The following MYO15A variants were observed in gnomAD, a reference collection of about 807,000 sequenced individuals.
MYO15A encodes myosin XVA, also known as unconventional myosin-XV.
In MYO15A, 308 loss-of-function variants were observed where a neutral mutation model predicts 394.6. The ratio of observed to expected loss-of-function variants is 0.78; its 90% confidence interval spans 0.71 to 0.86. The LOEUF is 0.86. Among genes scored for constraint, MYO15A ranks in the 40% least tolerant of loss-of-function variants. MYO15A has a pLI of 0.00. For synonymous variants in MYO15A, 1,957 were observed against 2,003.8 expected, an observed-to-expected ratio of 0.98 and a Z score of 0.62; for missense variants, 4,606 against 4,799.1, an observed-to-expected ratio of 0.96 and a Z score of 1.19.
At position 18,153,725 on chromosome 17, in the gene MYO15A, T is replaced by TA. The variant is rs902426883; in HGVS notation, c.7967-43dup. 7.0e-6 allele frequency: 11 copies of TA among 1,571,690 alleles called. No homozygotes were observed. Among genetic ancestry groups the TA allele is most frequent in the African/African-American group, 1.4e-5 (1 of 72,258 alleles). On this transcript the variant is annotated intron_variant, in intron 42 of 65. Transcript: ENST00000647165. This position sits in a 1 kb window ranked among gnomAD's most constrained non-coding sequence, Gnocchi z 4.1. ...AAAATATATATATATATTAATTAAA[T>TA]AAAAAAACGAGGTGCCTTCTCCTGA...
chr17:18,176,348 G>T (rs2047012863), intron 65 of MYO15A, among the ~76,000 whole-genome samples: 1 of 151,866 alleles, frequency 6.6e-6, no homozygotes, highest in African/African-American at 2.4e-5. Flanking sequence ...ACATCACGTG[G>T]CAAGAGAGGG....
intron 24 of MYO15A, 143 bp downstream of exon 24, chr17:18,142,397 C>T: frequency 9.5e-7 from 1 of 1,052,028 alleles, no homozygotes; most frequent in Non-Finnish European, 1.4e-6. Flanking sequence ...TGATCAGATT[C>T]TCTGTGTCTC....
In MYO15A at chr17:18,147,345, G is replaced by A. The variant is rs936062586; in HGVS notation, c.6510-684G>A. The stretch of plus-strand genomic sequence containing the variant: ...TGGCAGCTGACAGCAGGGTAAGGCC[G>A]TTGCTGGTCTGCCTGCCTGGGGCTT... On this transcript the variant is annotated intron_variant, in intron 30 of 65. Transcript: ENST00000647165. The surrounding 1 kb of genome is among the most constrained non-coding windows in gnomAD (Gnocchi z 4.4). 3.3e-5 allele frequency among the ~76,000 whole-genome samples: 5 copies of A among 152,228 alleles called. No individual in the cohort carries two copies. The highest frequency in any genetic ancestry group is 2.1e-4 in the South Asian group (1 of 4,830).
In MYO15A at chr17:18,157,865, G is replaced by A. The variant is rs2046705754; in HGVS notation, c.8932G>A (p.Ala2978Thr). The change falls in exon 51 of 66, where the codon GCA becomes ACA. Residue 2978 changes from alanine (A) to threonine (T), a missense_variant. Ala to Thr is a moderately conservative substitution (Grantham distance 58, BLOSUM62 0). Coordinates refer to ENST00000647165, the MANE Select transcript of MYO15A (RefSeq NM_016239.4). ...AAAVAAAVAS[A>T]AAAQEVGRRR... ...CGCCGTGGCCGCTGCTGTGGCCTCT[G>A]CAGCCGCTGCACAGGAGGTGGGCCG... The A allele has an allele frequency of 3.6e-6, 5 of 1,389,544 alleles. No homozygotes were observed. Among genetic ancestry groups the A allele is most frequent in the Non-Finnish European group, 4.8e-6 (5 of 1,052,440 alleles). 86.1% of individuals were successfully genotyped at this position (1,389,544 alleles called of 1,614,324 possible).
chr17:18,143,427 G>A, intron 25 of MYO15A, 139 bp from the exon 26 acceptor site: 1 of 945,670 alleles, frequency 1.1e-6, no homozygotes, highest in Non-Finnish European at 1.7e-6. Context: ...CTGTGGAGTG[G>A]GGCAGTCACC....
rs1048824288 is a variant in MYO15A at position 18,151,424 on chromosome 17, T to C, written c.7684T>C (p.Ser2562Pro). The change falls in exon 40 of 66, where the codon TCT becomes CCT. Residue 2562 changes from serine (S) to proline (P), a missense_variant. By Grantham distance (74) the Ser-to-Pro change is moderately conservative. This residue lies in a region of MYO15A where 2,776 missense variants were observed against 3,109.3 expected (regional missense o/e 0.89). Coordinates refer to ENST00000647165, the MANE Select transcript of MYO15A (RefSeq NM_016239.4). ...TSPSPELVRY[S>P]TLNSEHFPQP... ...ACCCTCCCCAGAGCTGGTCCGGTAC[T>C]CTACGCTCAACTCTGAGCACTTCCC... 3.1e-6 allele frequency: 5 copies of C among 1,614,192 alleles called. No homozygotes were observed. In the South Asian group the frequency reaches 4.4e-5, roughly 14 times the overall value.
intron 1 of MYO15A, among the ~76,000 whole-genome samples, chr17:18,113,797 G>GAC (rs4025536): frequency 0.22 from 30,898 of 137,878 alleles, 3,435 homozygotes; most frequent in South Asian, 0.41. Flanking sequence ...CACCTCCCCT[G>GAC]ACACACACAC....
Position 18,121,245 on chromosome 17 carries a change from C to A in MYO15A, c.2445C>A (p.Arg815=). 1 of 1,475,036 alleles carries A rather than the reference C, an allele frequency of 6.8e-7. No homozygotes were observed. Among genetic ancestry groups the A allele is most frequent in the Non-Finnish European group, 8.9e-7 (1 of 1,117,436 alleles). The allele number at this position is 1,475,036 out of a possible 1,614,324, so 91.4% of individuals were successfully genotyped here. ...PFQPPFLPPA[R]RPRSLQESPA... is the part of the protein sequence containing the mutation. ...AGCCGCCCTTCCTGCCCCCGGCCCG[C>A]CGGCCCCGCTCGCTGCAGGAGTCCC... The change falls in exon 2 of 66, where the codon CGC becomes CGA. Residue 815 remains arginine, a synonymous_variant. Transcript: ENST00000647165. This position sits in a 1 kb window ranked among gnomAD's most constrained non-coding sequence, Gnocchi z 5.3.
At chr17:18,129,304 C>T (rs1280765911) in intron 7 of MYO15A, among the ~76,000 whole-genome samples, 2 of 152,208 alleles carry the variant, frequency 1.3e-5, no homozygotes, top group Non-Finnish European at 2.9e-5. Context: ...TGGCTTTATG[C>T]CCTGCTGTAT....
In MYO15A at chr17:18,158,657, C is replaced by T. The variant is rs766983465; in HGVS notation, c.9083+19C>T. ...GACCCCAGTGAGTGGCGGCCCCACC[C>T]CTCTTCCCACAGTGGGAGGGTGCTG... On this transcript the variant is annotated intron_variant, in intron 52 of 65. Coordinates refer to ENST00000647165, the MANE Select transcript of MYO15A (RefSeq NM_016239.4). 5.6e-6 allele frequency: 9 copies of T among 1,610,782 alleles called. No individual in the cohort carries two copies. In the East Asian group the frequency reaches 1.8e-4, roughly 32 times the overall value.
At position 18,119,769 on chromosome 17, in the gene MYO15A, G is replaced by C. The variant is rs371387378; in HGVS notation, c.969G>C (p.Ser323=). 4.3e-6 allele frequency: 7 copies of C among 1,612,838 alleles called. No individual in the cohort carries two copies. The Admixed American group carries it at 1.0e-4, about 23-fold the overall frequency. ...CATATGCGCCCCCGTCGGGGTACTC[G>C]TCTCCTTACAGCTACCACGATGGGT... is the stretch of plus-strand genomic sequence containing the variant. The part of the protein sequence containing the change: ...EPPYAPPSGY[S]SPYSYHDGYE... The change falls in exon 2 of 66, where the codon TCG becomes TCC. Residue 323 remains serine (S), a synonymous_variant. Coordinates refer to ENST00000647165, the MANE Select transcript of MYO15A (RefSeq NM_016239.4).
At chr17:18,152,942 C>A (rs1013954673) in intron 42 of MYO15A, among the ~76,000 whole-genome samples, 4 of 152,232 alleles carry the variant, frequency 2.6e-5, no homozygotes, top group African/African-American at 4.8e-5. Context: ...TCTCCAGGAT[C>A]CATCCTAAAC....
rs1271980702 is a variant in MYO15A at position 18,121,671 on chromosome 17, C to T, written c.2871C>T (p.Pro957=). 6.2e-7 allele frequency: 1 copy of T among 1,607,442 alleles called. No homozygotes were observed. Among genetic ancestry groups the T allele is most frequent in the Non-Finnish European group, 8.5e-7 (1 of 1,176,678 alleles). Residue 957 remains proline, a synonymous_variant, in exon 2 of 66, where the codon CCC becomes CCT. Coordinates refer to ENST00000647165, the MANE Select transcript of MYO15A (RefSeq NM_016239.4). This position sits in a 1 kb window ranked among gnomAD's most constrained non-coding sequence, Gnocchi z 5.3. ...AGSRRGFSRP[P]PVPENPFLQL... ...GCCGCCGAGGCTTTTCCAGGCCACC[C>T]CCTGTGCCGGAAAACCCCTTTCTCC...
Position 18,155,305 on chromosome 17 carries a change from C to G in MYO15A, c.8341-9C>G, listed in dbSNP as rs1347187857. On this transcript the variant is annotated splice_polypyrimidine_tract_variant and intron_variant, in intron 46 of 65. Coordinates refer to ENST00000647165, the MANE Select transcript of MYO15A (RefSeq NM_016239.4). ...GAGGATCCTCACACGCCCTTCATCTCTGCCCCAGGGCAGCGTGGGCACTGG... is the reference window on the plus strand; with the variant it reads ...GAGGATCCTCACACGCCCTTCATCTGTGCCCCAGGGCAGCGTGGGCACTGG... The G allele has an allele frequency of 6.2e-7, 1 of 1,613,716 alleles. No individual in the cohort carries two copies.
In MYO15A at chr17:18,149,369, C is replaced by A. The variant is rs896995322; in HGVS notation, c.7110C>A (p.Thr2370=). 2 of 1,606,642 alleles carry A rather than the reference C, an allele frequency of 1.2e-6. No individual in the cohort carries two copies. The highest frequency in any genetic ancestry group is 1.7e-6 in the Non-Finnish European group (2 of 1,176,236). Residue 2370 remains threonine, a synonymous_variant, in exon 34 of 66, where the codon ACC becomes ACA. Transcript: ENST00000647165. ...GETEAQRGTA[T]HQESDSLGEP... is the part of the protein sequence containing the mutation. ...CTGAGGCCCAAAGAGGGACAGCAAC[C>A]CACCAAGGTCAACCAACAATGGCTG...
rs2046672678 is a variant in MYO15A, at chr17:18,156,242, A to G, written c.8507A>G (p.Glu2836Gly). 6.2e-7 allele frequency: 1 copy of G among 1,614,028 alleles called. No homozygotes were observed. Among genetic ancestry groups the G allele is most frequent in the African/African-American group, 1.3e-5 (1 of 74,908 alleles). Residue 2836 changes from glutamate to glycine, a missense_variant, in exon 48 of 66, where the codon GAG (glutamate) becomes GGG (glycine). By Grantham distance (98) the Glu-to-Gly change is moderately conservative. This residue lies in a region of MYO15A where 2,776 missense variants were observed against 3,109.3 expected (regional missense o/e 0.89). Coordinates refer to ENST00000647165, the MANE Select transcript of MYO15A (RefSeq NM_016239.4). ...FVTMPSQNML[E>G]FNLASEKVIL... is the part of the protein sequence containing the mutation. Reference sequence around the variant, plus strand: ...ACCATGCCCTCCCAGAACATGCTGGAGTTCAACCTGGCCAGTGAGAAGGTC... The same window carrying G: ...ACCATGCCCTCCCAGAACATGCTGGGGTTCAACCTGGCCAGTGAGAAGGTC...
At position 18,141,094 on chromosome 17, in the gene MYO15A, C is replaced by T. The variant is rs202187786; in HGVS notation, c.5482C>T (p.Arg1828Cys). The change falls in exon 22 of 66, where the codon CGC becomes TGC. Residue 1828 changes from arginine (R) to cysteine (C), a missense_variant. By Grantham distance (180) the Arg-to-Cys change is radical. Around this residue, in one of 2 missense-constraint regions of MYO15A, gnomAD observed 2,776 missense variants for 3,109.3 expected, o/e 0.89. Transcript: ENST00000647165. The stretch of plus-strand genomic sequence containing the variant: ...AGGGGTGCTGGAGACCGTGAGGATC[C>T]GCAAGGAGGGATTTCCAGTGCGCCT... ...YSGVLETVRI[R>C]KEGFPVRLPF... 18 of 1,613,876 alleles carry T rather than the reference C, an allele frequency of 1.1e-5. No individual in the cohort carries two copies. Among genetic ancestry groups the T allele is most frequent in the African/African-American group, 2.7e-5 (2 of 74,922 alleles).
intron 1 of MYO15A, among the ~76,000 whole-genome samples, chr17:18,110,868 C>T (rs2045711545): frequency 6.6e-6 from 1 of 152,206 alleles, no homozygotes; most frequent in South Asian, 2.1e-4. Flanking sequence ...ACATGCTGTT[C>T]CACTTGCCAG....
intron 56 of MYO15A, 76 bp downstream of exon 56, chr17:18,160,093 C>T (rs1417020231): frequency 2.2e-6 from 3 of 1,384,050 alleles, no homozygotes; most frequent in East Asian, 2.3e-5. Flanking sequence ...AGCCTCCCAC[C>T]TCCTCAGGCC....
Sources: gnomAD v4.1 joint callset for allele counts (sites outside exome capture counted in the v4.1 genomes callset) on GRCh38, gnomAD v4.1.1 for gene constraint, gnomAD v4.1.1 regional missense constraint, Gnocchi (gnomAD v3.1) non-coding constraint, MANE v1.5 for transcripts, NCBI Gene and HGNC (gene_info 2026-07-23, HGNC 2026-07-21) for gene names.